HELZ: variants seen among roughly 807,000 people sequenced by gnomAD.
The protein encoded by HELZ is ATP-dependent RNA helicase with zinc finger domain.
In HELZ, 23 loss-of-function variants were observed where a neutral mutation model predicts 218.2. That is an observed-to-expected ratio of 0.11 (90% CI 0.08 to 0.15). HELZ has a LOEUF of 0.15. HELZ is among the 10% of genes least tolerant of loss of function. HELZ has a pLI of 1.00. For synonymous variants in HELZ, 814 were observed against 829.4 expected, an observed-to-expected ratio of 0.98 and a Z score of 0.32; for missense variants, 1,813 against 2,353.7, an observed-to-expected ratio of 0.77 and a Z score of 4.75.
chr17:67,119,662 C>T (rs1452930242), intron 27 of HELZ, among the ~76,000 whole-genome samples: 1 of 151,986 alleles, frequency 6.6e-6, no homozygotes, highest in Non-Finnish European at 1.5e-5. Flanking sequence ...GTAATTTTTC[C>T]TTGTAATTCT....
intron 31 of HELZ, among the ~76,000 whole-genome samples, chr17:67,091,329 C>G (rs768265522): frequency 6.6e-6 from 1 of 152,072 alleles, no homozygotes; most frequent in Non-Finnish European, 1.5e-5. Context: ...ATTCATTACT[C>G]TGAAAATTGA....
chr17:67,174,044 T>A (rs1194918818), intron 13 of HELZ, among the ~76,000 whole-genome samples: 2 of 152,168 alleles, frequency 1.3e-5, no homozygotes, highest in African/African-American at 4.8e-5. Context: ...CACACCAACA[T>A]GTGACTGAGG....
At chr17:67,097,605 G>C (rs1309220596) in intron 31 of HELZ, among the ~76,000 whole-genome samples, 9 of 152,132 alleles carry the variant, frequency 5.9e-5, no homozygotes, top group Non-Finnish European at 2.9e-5. Flanking sequence ...ATACCAGAAC[G>C]AATACAATAT....
intron 5 of HELZ, among the ~76,000 whole-genome samples, chr17:67,214,126 T>G (rs931171006): frequency 6.6e-6 from 1 of 152,110 alleles, no homozygotes. Context: ...TTCCCATAGA[T>G]AGCAGGGATT....
At chr17:67,149,011 C>T (rs1243770571) in intron 19 of HELZ, among the ~76,000 whole-genome samples, 3 of 152,152 alleles carry the variant, frequency 2.0e-5, no homozygotes, top group African/African-American at 7.2e-5. Flanking sequence ...TGATTCCAGG[C>T]ATGCAACCCA....
intron 5 of HELZ, among the ~76,000 whole-genome samples, chr17:67,215,134 ACTCTGT>A (rs2040562506): frequency 6.6e-6 from 1 of 151,580 alleles, no homozygotes; most frequent in South Asian, 2.1e-4. Context: ...ACAGAGCAAG[ACTCTGT>A]CTCAGAGAGG....
At chr17:67,162,138 A>C (rs1230578221) in intron 15 of HELZ, among the ~76,000 whole-genome samples, 1 of 152,154 alleles carries the variant, frequency 6.6e-6, no homozygotes, top group East Asian at 1.9e-4. Flanking sequence ...TAACCTGGCC[A>C]GGCATGGTGG....
At position 67,073,696 on chromosome 17, in the gene HELZ, T is replaced by C. The variant is rs1191307216; in HGVS notation, c.*4556A>G. The C allele has an allele frequency of 6.6e-6, 1 of 152,212 alleles. No individual in the cohort carries two copies. The highest frequency in any genetic ancestry group is 6.5e-5 in the Admixed American group (1 of 15,288). The allele number at this position is 152,212 out of a possible 1,614,324, so 9.4% of individuals were successfully genotyped here. A position where few individuals can be genotyped will look rare whatever the true frequency, so the allele number is the denominator to read the frequency against. On this transcript the variant is annotated 3_prime_UTR_variant, in exon 33 of 33. Coordinates refer to ENST00000358691, the MANE Select transcript of HELZ (RefSeq NM_014877.4). ...TAGACATTCTCAATTGGTTCAAAAA[T>C]TTTAAACGTTACATTAAAATTGTTT...
intron 7 of HELZ, among the ~76,000 whole-genome samples, chr17:67,197,709 T>A (rs1364592203): frequency 6.6e-6 from 1 of 152,214 alleles, no homozygotes; most frequent in Non-Finnish European, 1.5e-5. Flanking sequence ...AACGTCAGAA[T>A]GCTAACGGGT....
rs146374805 is a variant in HELZ at position 67,137,920 on chromosome 17, T to C, written c.2953+11A>G. 61 of 1,575,338 alleles carry C rather than the reference T, an allele frequency of 3.9e-5. No individual in the cohort carries two copies. The highest frequency in any genetic ancestry group is 1.3e-5 in the African/African-American group (1 of 74,220). Reference sequence around the variant, plus strand: ...ATTTGAATGACTGAATTCATTTCAATTGACACTTACCTTGAACATTTAGCA... The same window carrying C: ...ATTTGAATGACTGAATTCATTTCAACTGACACTTACCTTGAACATTTAGCA... On this transcript the variant is annotated intron_variant, in intron 22 of 32. Transcript: ENST00000358691.
At chr17:67,136,948 C>G (rs965782759) in intron 22 of HELZ, among the ~76,000 whole-genome samples, 2 of 152,072 alleles carry the variant, frequency 1.3e-5, no homozygotes, top group Non-Finnish European at 2.9e-5. Flanking sequence ...AATTTTACAT[C>G]ATACGCATTT....
intron 31 of HELZ, among the ~76,000 whole-genome samples, chr17:67,106,351 C>G (rs528848690): frequency 4.2e-4 from 61 of 144,612 alleles, no homozygotes; most frequent in Admixed American, 3.5e-3. Context: ...CTCTGTCGCC[C>G]ACGCTGGAGT....
intron 24 of HELZ, among the ~76,000 whole-genome samples, chr17:67,127,247 G>T (rs879336439): frequency 6.6e-6 from 1 of 152,122 alleles, no homozygotes; most frequent in Non-Finnish European, 1.5e-5. Context: ...GGACTCGGGG[G>T]CTAATTTGCT....
intron 17 of HELZ, among the ~76,000 whole-genome samples, chr17:67,152,584 T>G (rs1347614795): frequency 1.3e-5 from 2 of 151,658 alleles, no homozygotes; most frequent in African/African-American, 4.8e-5. Context: ...AGGAACGGAT[T>G]TGGGGTGGGA....
chr17:67,156,805 G>C (rs1468625276), intron 17 of HELZ, among the ~76,000 whole-genome samples: 1 of 142,918 alleles, frequency 7.0e-6, no homozygotes, highest in African/African-American at 2.6e-5. Flanking sequence ...TTGTAAAATT[G>C]AAAAAAAAAA....
chr17:67,228,859 C>T (rs2040962697), intron 3 of HELZ, among the ~76,000 whole-genome samples: 1 of 152,048 alleles, frequency 6.6e-6, no homozygotes, highest in South Asian at 2.1e-4. Context: ...GCTGGTATTA[C>T]AGGCATACGC....
At chr17:67,081,178 T>C (rs966413531) in intron 32 of HELZ, among the ~76,000 whole-genome samples, 2 of 152,194 alleles carry the variant, frequency 1.3e-5, no homozygotes, top group African/African-American at 2.4e-5. Context: ...TGGGACACAG[T>C]AGAAGGACCT....
At chr17:67,124,425 A>C (rs1218281153) in intron 24 of HELZ, among the ~76,000 whole-genome samples, 1 of 152,224 alleles carries the variant, frequency 6.6e-6, no homozygotes, top group Non-Finnish European at 1.5e-5. Flanking sequence ...CTTCAAGATG[A>C]GAACCTTTAA....
intron 23 of HELZ, among the ~76,000 whole-genome samples, chr17:67,129,616 A>C (rs1273732595): frequency 6.6e-6 from 1 of 152,050 alleles, no homozygotes; most frequent in Non-Finnish European, 1.5e-5. Context: ...ACCATTAACT[A>C]AGTTATAAGT....
Sources: allele counts gnomAD v4.1 joint callset (sites outside exome capture counted in the v4.1 genomes callset), GRCh38; gene constraint gnomAD v4.1.1; transcripts MANE v1.5; gene names NCBI Gene and HGNC (gene_info 2026-07-23, HGNC 2026-07-21).